Variants in SGK3 observed in about 807,000 individuals in gnomAD.
The protein encoded by SGK3 is serum/glucocorticoid regulated kinase family member 3.
In SGK3, 47 loss-of-function variants were observed where a neutral mutation model predicts 68.5. The observed-to-expected ratio is 0.69, with a 90% CI of 0.54 to 0.87. The LOEUF (loss-of-function observed/expected upper bound fraction) is 0.87, where lower values mean the gene tolerates loss of function less well. Among genes scored for constraint, SGK3 ranks in the 40% least tolerant of loss-of-function variants. The probability of loss-of-function intolerance (pLI) is 0.00; values close to 1 mark genes in which losing one functional copy is unlikely to be tolerated. For synonymous variants in SGK3, 181 were observed against 189.1 expected, an observed-to-expected ratio of 0.96 and a Z score of 0.35; for missense variants, 479 against 575.5, an observed-to-expected ratio of 0.83 and a Z score of 1.72.
chr8:66,773,556 A>G (rs375147477), intron 1 of SGK3, among the ~76,000 whole-genome samples: 3 of 152,234 alleles, frequency 2.0e-5, no homozygotes, highest in East Asian at 1.9e-4. Context: ...ATTAACTACC[A>G]TAACTATTAA....
chr8:66,830,331 A>G (rs1809254983), intron 7 of SGK3, among the ~76,000 whole-genome samples: 1 of 152,244 alleles, frequency 6.6e-6, no homozygotes, highest in African/African-American at 2.4e-5. Context: ...AAAATAGTTC[A>G]AAGAGCAGGT....
At chr8:66,797,244 A>G (rs1807735348) in intron 2 of SGK3, among the ~76,000 whole-genome samples, 1 of 152,198 alleles carries the variant, frequency 6.6e-6, no homozygotes, top group Non-Finnish European at 1.5e-5. Flanking sequence ...TCACAATCAT[A>G]TAAACCTAAG....
chr8:66,813,439 T>A (rs911628882), intron 4 of SGK3, among the ~76,000 whole-genome samples: 1 of 152,030 alleles, frequency 6.6e-6, no homozygotes, highest in Non-Finnish European at 1.5e-5. Flanking sequence ...TTTCCAGAAA[T>A]CCTTATTTTT....
chr8:66,791,964 A>G (rs989950740), intron 1 of SGK3, among the ~76,000 whole-genome samples: 1 of 152,184 alleles, frequency 6.6e-6, no homozygotes, highest in Non-Finnish European at 1.5e-5. Flanking sequence ...TTACAGACAG[A>G]TGTTGTACTC....
intron 1 of SGK3, among the ~76,000 whole-genome samples, chr8:66,753,907 C>T (rs868472998): frequency 6.6e-6 from 1 of 152,198 alleles, no homozygotes; most frequent in Admixed American, 6.5e-5. Flanking sequence ...TTCCAATCCA[C>T]GTTCTCCTAG....
At chr8:66,719,898 T>C (rs1367897665) in intron 1 of SGK3, among the ~76,000 whole-genome samples, 1 of 152,210 alleles carries the variant, frequency 6.6e-6, no homozygotes, top group Non-Finnish European at 1.5e-5. Flanking sequence ...CCTTCTAGGC[T>C]TTTATTTGTG....
intron 4 of SGK3, among the ~76,000 whole-genome samples, chr8:66,807,325 G>A (rs1808208835): frequency 1.3e-5 from 2 of 152,140 alleles, no homozygotes; most frequent in Non-Finnish European, 2.9e-5. Context: ...GAGTTCTGTA[G>A]AGCCCTTAAC....
At chr8:66,727,470 T>C (rs1035017481) in intron 1 of SGK3, among the ~76,000 whole-genome samples, 2 of 152,168 alleles carry the variant, frequency 1.3e-5, no homozygotes, top group African/African-American at 4.8e-5. Flanking sequence ...TGGGCAAAGA[T>C]GGTGGTATGG....
At chr8:66,833,878 A>G (rs1809402220) in intron 8 of SGK3, among the ~76,000 whole-genome samples, 1 of 151,736 alleles carries the variant, frequency 6.6e-6, no homozygotes, top group African/African-American at 2.4e-5. Flanking sequence ...ATTAGTAGAG[A>G]CAGGGTTTTT....
At chr8:66,836,833 G>T (rs1809555576) in intron 10 of SGK3, among the ~76,000 whole-genome samples, 1 of 144,738 alleles carries the variant, frequency 6.9e-6, no homozygotes, top group Admixed American at 7.2e-5. Flanking sequence ...CTGGAGTGCA[G>T]TGGTCACAGC....
At chr8:66,787,014 T>G (rs1274143615) in intron 1 of SGK3, among the ~76,000 whole-genome samples, 1 of 136,324 alleles carries the variant, frequency 7.3e-6, no homozygotes, top group Non-Finnish European at 1.5e-5. Flanking sequence ...CTTGGCTCAC[T>G]GCAACCTTCA....
At chr8:66,811,495 A>C (rs939838174) in intron 4 of SGK3, among the ~76,000 whole-genome samples, 1 of 152,152 alleles carries the variant, frequency 6.6e-6, no homozygotes, top group African/African-American at 2.4e-5. Context: ...ATTTTTTCAG[A>C]TATTTGCAAA....
chr8:66,835,675 T>C (rs1809492807), intron 8 of SGK3, 88 bp from the exon 9 acceptor site: 1 of 1,387,232 alleles, frequency 7.2e-7, no homozygotes. Context: ...TTTACAGAAT[T>C]TAAGAAGTAT....
chr8:66,716,638 A>G (rs769222090), intron 1 of SGK3, among the ~76,000 whole-genome samples: 15 of 152,088 alleles, frequency 9.9e-5, no homozygotes, highest in Non-Finnish European at 1.6e-4. Flanking sequence ...GATAATATGT[A>G]AGACGGAAAA....
At chr8:66,800,778 GCC>G (rs1807910854) in intron 3 of SGK3, among the ~76,000 whole-genome samples, 1 of 151,926 alleles carries the variant, frequency 6.6e-6, no homozygotes, top group Non-Finnish European at 1.5e-5. Context: ...ATTTATTTTT[GCC>G]TATGTAAAAT....
In SGK3 at chr8:66,798,644, G is replaced by T; in HGVS notation, c.180+19G>T. 3 of 1,569,010 alleles carry T rather than the reference G, an allele frequency of 1.9e-6. No individual in the cohort carries two copies. The highest frequency in any genetic ancestry group is 1.7e-6 in the Non-Finnish European group (2 of 1,157,846). ...TAACACTGTAAGTAATCGTCTACAA[G>T]ATTTCTAATTAAAAGAAAGCACCCG... On this transcript the variant is annotated intron_variant, in intron 3 of 16. Coordinates refer to ENST00000521198, the MANE Select transcript of SGK3 (RefSeq NM_001033578.3).
chr8:66,776,004 C>T (rs1806694063), intron 1 of SGK3, among the ~76,000 whole-genome samples: 1 of 152,214 alleles, frequency 6.6e-6, no homozygotes, highest in Non-Finnish European at 1.5e-5. Context: ...ATACCTGGCT[C>T]ATAGTCCACA....
At chr8:66,720,212 T>A (rs1804757711) in intron 1 of SGK3, among the ~76,000 whole-genome samples, 1 of 152,204 alleles carries the variant, frequency 6.6e-6, no homozygotes, top group African/African-American at 2.4e-5. Flanking sequence ...TATAAGTTCA[T>A]CTAAGATACA....
chr8:66,716,993 C>T lies in SGK3; in HGVS notation c.-122+4160C>T, dbSNP rs577592162. Among the ~76,000 whole-genome samples the T allele has an allele frequency of 3.0e-3, 459 of 150,966 alleles. 1 individual carries two copies. The highest frequency in any genetic ancestry group is 5.8e-3 in the Admixed American group (88 of 15,120). On this transcript the variant is annotated intron_variant, in intron 1 of 16. Transcript: ENST00000521198. ...GGCAGATCACCTGAGTTCAGGAGTT[C>T]GAGACCAGCCTGGCCAACACGGCGA...
Sources: allele counts gnomAD v4.1 joint callset (sites outside exome capture counted in the v4.1 genomes callset), GRCh38; gene constraint gnomAD v4.1.1; transcripts MANE v1.5; gene names NCBI Gene and HGNC (gene_info 2026-07-23, HGNC 2026-07-21).